ADARB1: variants seen among roughly 807,000 people sequenced by gnomAD.
ADARB1 encodes the protein adenosine deaminase RNA specific B1.
Under a neutral mutation model 52.4 loss-of-function variants are expected in ADARB1, and 10 were observed. The ratio of observed to expected loss-of-function variants is 0.19; its 90% CI spans 0.12 to 0.32. ADARB1 has a LOEUF of 0.32. ADARB1 is among the 10% of genes least tolerant of loss of function. ADARB1 has a pLI of 1.00. For synonymous variants in ADARB1, 349 were observed against 371.1 expected, an observed-to-expected ratio of 0.94 and a Z score of 0.68; for missense variants, 643 against 922.3, an observed-to-expected ratio of 0.70 and a Z score of 3.92.
chr21:45,165,403 G>A (rs1272130926), intron 2 of ADARB1, among the ~76,000 whole-genome samples: 1 of 151,962 alleles, frequency 6.6e-6, no homozygotes, highest in Non-Finnish European at 1.5e-5. Context: ...ATCTCCTTTT[G>A]CATTGCACTA....
At chr21:45,089,071 G>A (rs1031373597) in intron 1 of ADARB1, among the ~76,000 whole-genome samples, 2 of 152,148 alleles carry the variant, frequency 1.3e-5, no homozygotes, top group African/African-American at 4.8e-5. Flanking sequence ...AACAGAAGCC[G>A]GTATTGGTGG....
chr21:45,223,867 C>G lies in ADARB1; in HGVS notation c.*1670C>G. 1 of 985,478 alleles carries G rather than the reference C, an allele frequency of 1.0e-6. No individual in the cohort carries two copies. The highest frequency in any genetic ancestry group is 1.2e-6 in the Non-Finnish European group (1 of 830,016). The allele number at this position is 985,478 out of a possible 1,614,324, so 61.0% of individuals were successfully genotyped here. A position where few individuals can be genotyped will look rare whatever the true frequency, so the allele number is the denominator to read the frequency against. On this transcript the variant is annotated 3_prime_UTR_variant, in exon 11 of 11. Coordinates refer to ENST00000348831, the MANE Select transcript of ADARB1 (RefSeq NM_001112.4). The stretch of plus-strand genomic sequence containing the variant: ...GCAGGAAGGGGTGCTGCTTAGGGCT[C>G]ATTGTTGGGGACATGACCGGGTTCA...
chr21:45,136,040 A>G lies in ADARB1; in HGVS notation c.-48+7467A>G, dbSNP rs117197123. 3.2e-3 allele frequency among the ~76,000 whole-genome samples: 485 copies of G among 152,270 alleles called. 4 individuals are homozygous for G. The highest frequency in any genetic ancestry group is 0.014 in the Middle Eastern group (4 of 294). On this transcript the variant is annotated intron_variant, in intron 2 of 10. Coordinates refer to ENST00000348831, the MANE Select transcript of ADARB1 (RefSeq NM_001112.4). ...ATGTGAGTCATATGCGCCTGTGTTC[A>G]TCCTGTGGTGTCCCTGGGCCCATGG... is the stretch of plus-strand genomic sequence containing the variant.
At chr21:45,077,992 GT>G (rs1228118123) in intron 1 of ADARB1, among the ~76,000 whole-genome samples, 2 of 152,240 alleles carry the variant, frequency 1.3e-5, no homozygotes, top group Admixed American at 6.5e-5. Flanking sequence ...CATTTGCAGA[GT>G]TTTGCTTCAT....
intron 3 of ADARB1, among the ~76,000 whole-genome samples, chr21:45,174,532 G>A (rs1165409089): frequency 1.3e-5 from 2 of 152,020 alleles, no homozygotes; most frequent in Admixed American, 6.6e-5. Flanking sequence ...ATGAAACCCC[G>A]TCTCTACTAA....
chr21:45,125,842 T>G (rs573981500), intron 1 of ADARB1, among the ~76,000 whole-genome samples: 3 of 152,366 alleles, frequency 2.0e-5, no homozygotes, highest in Non-Finnish European at 4.4e-5. Flanking sequence ...GTTGAATTTC[T>G]TACTAGTTCC....
intron 2 of ADARB1, among the ~76,000 whole-genome samples, chr21:45,140,593 G>A (rs2089666407): frequency 6.6e-6 from 1 of 152,142 alleles, no homozygotes; most frequent in African/African-American, 2.4e-5. Context: ...GTGGCCACCA[G>A]GACAAACCTC....
At chr21:45,115,251 G>T (rs1037844622) in intron 1 of ADARB1, among the ~76,000 whole-genome samples, 1 of 152,222 alleles carries the variant, frequency 6.6e-6, no homozygotes, top group Non-Finnish European at 1.5e-5. Context: ...GCCAGTGACC[G>T]TCTGTGAGTC....
At chr21:45,080,623 C>T (rs972445675) in intron 1 of ADARB1, among the ~76,000 whole-genome samples, 1 of 152,180 alleles carries the variant, frequency 6.6e-6, no homozygotes, top group Non-Finnish European at 1.5e-5. Flanking sequence ...TGCCATGGGG[C>T]GTACTTACGG....
intron 2 of ADARB1, among the ~76,000 whole-genome samples, chr21:45,149,457 C>T (rs573758936): frequency 6.6e-6 from 1 of 152,344 alleles, no homozygotes; most frequent in East Asian, 1.9e-4. Flanking sequence ...CTAAATCTTC[C>T]AGAGTTTTAA....
chr21:45,108,306 A>G (rs1051113227), intron 1 of ADARB1, among the ~76,000 whole-genome samples: 2 of 152,232 alleles, frequency 1.3e-5, no homozygotes, highest in African/African-American at 4.8e-5. Context: ...TGTGCAAATA[A>G]TCAAAAGTCT....
intron 1 of ADARB1, among the ~76,000 whole-genome samples, chr21:45,109,704 C>T (rs1481821033): frequency 6.6e-6 from 1 of 152,204 alleles, no homozygotes; most frequent in African/African-American, 2.4e-5. Flanking sequence ...CCTAGCAATG[C>T]ACCTTTTGGT....
At chr21:45,190,012 T>G (rs1392037718) in intron 8 of ADARB1, among the ~76,000 whole-genome samples, 3 of 152,210 alleles carry the variant, frequency 2.0e-5, no homozygotes, top group Non-Finnish European at 4.4e-5. Flanking sequence ...CTGTTAGCAA[T>G]TATTTCTTCA....
intron 1 of ADARB1, among the ~76,000 whole-genome samples, chr21:45,096,665 C>T (rs1219605776): frequency 3.3e-5 from 5 of 152,244 alleles, no homozygotes; most frequent in Non-Finnish European, 5.9e-5. Context: ...TAGAAAGAAC[C>T]CATCATTGTC....
At chr21:45,162,855 C>T (rs1357524939) in intron 2 of ADARB1, among the ~76,000 whole-genome samples, 1 of 152,046 alleles carries the variant, frequency 6.6e-6, no homozygotes, top group Non-Finnish European at 1.5e-5. Context: ...GAAACAGGCT[C>T]CAAGAAGATG....
At chr21:45,155,985 C>CAT (rs2090566902) in intron 2 of ADARB1, among the ~76,000 whole-genome samples, 1 of 826 alleles carries the variant, frequency 1.2e-3, no homozygotes, top group Non-Finnish European at 3.0e-3. Flanking sequence ...CCACCATCAC[C>CAT]CATTACCCAT....
chr21:45,153,063 T>G (rs2090380976), intron 2 of ADARB1, among the ~76,000 whole-genome samples: 1 of 152,252 alleles, frequency 6.6e-6, no homozygotes. Context: ...TTTGCCGCAC[T>G]CTTCATTAAT....
At chr21:45,117,631 G>A (rs537743183) in intron 1 of ADARB1, among the ~76,000 whole-genome samples, 60 of 152,002 alleles carry the variant, frequency 3.9e-4, no homozygotes, top group African/African-American at 1.3e-3. Flanking sequence ...CAATGCTCAT[G>A]CTACTTCACT....
chr21:45,178,094 A>G (rs1226789859), intron 4 of ADARB1, among the ~76,000 whole-genome samples: 1 of 152,234 alleles, frequency 6.6e-6, no homozygotes, highest in African/African-American at 2.4e-5. Context: ...ACAGAGTGGC[A>G]TATAAGACCA....
Sources: allele counts gnomAD v4.1 joint callset (sites outside exome capture counted in the v4.1 genomes callset), GRCh38; gene constraint gnomAD v4.1.1; transcripts MANE v1.5; gene names NCBI Gene and HGNC (gene_info 2026-07-23, HGNC 2026-07-21).